The following ASPH variants were observed in gnomAD, a reference collection of about 807,000 sequenced individuals.
The protein encoded by ASPH is aspartyl/asparaginyl beta-hydroxylase.
Under a neutral mutation model 118.4 loss-of-function variants are expected in ASPH, and 100 were observed. The observed-to-expected ratio is 0.84, with a 90% CI of 0.72 to 1.00. ASPH has a LOEUF of 1.00. ASPH is among the 50% of genes least tolerant of loss of function. The pLI is 0.00. For missense variants in ASPH, 920 were observed against 919.5 expected (o/e 1.00, Z -0.01); for synonymous variants, 315 against 325.6 (o/e 0.97, Z 0.35).
chr8:61,573,157 G>A (rs1465157503), intron 16 of ASPH, among the ~76,000 whole-genome samples: 1 of 152,158 alleles, frequency 6.6e-6, no homozygotes, highest in Non-Finnish European at 1.5e-5. Context: ...ACTTACAAAG[G>A]ATGTGAAGGA....
intron 14 of ASPH, among the ~76,000 whole-genome samples, chr8:61,612,564 GT>G: frequency 6.6e-6 from 1 of 152,036 alleles, no homozygotes; most frequent in South Asian, 2.1e-4. Flanking sequence ...TAGAGAAGGG[GT>G]TTCACCATGT....
At chr8:61,545,260 C>A (rs1318402726) in intron 21 of ASPH, among the ~76,000 whole-genome samples, 1 of 152,226 alleles carries the variant, frequency 6.6e-6, no homozygotes, top group African/African-American at 2.4e-5. Context: ...TCTTTTCCAT[C>A]ATGTGAAGAC....
chr8:61,661,200 A>G (rs1816732733), intron 3 of ASPH: 1 of 152,218 alleles, frequency 6.6e-6, no homozygotes, highest in Non-Finnish European at 1.5e-5. Context: ...ATTCATTACA[A>G]AGGATAAAGG....
intron 18 of ASPH, among the ~76,000 whole-genome samples, chr8:61,559,402 C>A (rs1031151553): frequency 6.6e-6 from 1 of 152,074 alleles, no homozygotes; most frequent in Non-Finnish European, 1.5e-5. Flanking sequence ...CATCCCTAAC[C>A]CCTGTGTTGT....
At chr8:61,629,476 T>C (rs1383483523) in intron 13 of ASPH, among the ~76,000 whole-genome samples, 1 of 151,962 alleles carries the variant, frequency 6.6e-6, no homozygotes, top group Admixed American at 6.5e-5. Context: ...AACCTGCTAA[T>C]GGATGAGAAA....
intron 1 of ASPH, among the ~76,000 whole-genome samples, chr8:61,698,722 A>G (rs534723280): frequency 1.3e-5 from 2 of 152,302 alleles, no homozygotes; most frequent in Admixed American, 6.5e-5. Flanking sequence ...CCGCCAGTCA[A>G]TTATTAGCGA....
chr8:61,697,928 C>G (rs949093279), intron 1 of ASPH, among the ~76,000 whole-genome samples: 2 of 151,840 alleles, frequency 1.3e-5, no homozygotes, highest in African/African-American at 4.8e-5. Flanking sequence ...GTAGCTGGGA[C>G]CACAGGCATG....
intron 1 of ASPH, among the ~76,000 whole-genome samples, chr8:61,696,368 T>C (rs1014479771): frequency 1.3e-5 from 2 of 152,342 alleles, no homozygotes; most frequent in African/African-American, 4.8e-5. Flanking sequence ...CCAGGTATTT[T>C]TGGAACCTTT....
At chr8:61,635,863 C>T (rs371092421) in intron 12 of ASPH, among the ~76,000 whole-genome samples, 21 of 152,256 alleles carry the variant, frequency 1.4e-4, no homozygotes, top group African/African-American at 4.8e-4. Context: ...CAGGGTGTTT[C>T]GCTCTGCTTC....
At chr8:61,667,984 T>C (rs1820554127) in intron 3 of ASPH, among the ~76,000 whole-genome samples, 1 of 152,172 alleles carries the variant, frequency 6.6e-6, no homozygotes, top group African/African-American at 2.4e-5. Flanking sequence ...AATATATACA[T>C]TCTTAATTTA....
At chr8:61,610,926 T>C (rs879370287) in intron 14 of ASPH, among the ~76,000 whole-genome samples, 1 of 152,226 alleles carries the variant, frequency 6.6e-6, no homozygotes, top group Non-Finnish European at 1.5e-5. Context: ...ATCAAGCCCA[T>C]GTGCATCAAT....
chr8:61,659,299 A>C (rs534118262), intron 3 of ASPH: 1 of 152,342 alleles, frequency 6.6e-6, no homozygotes, highest in Non-Finnish European at 1.5e-5. Flanking sequence ...TATTAGTTGA[A>C]TCAATAAATG....
chr8:61,620,871 C>G (rs559542556), intron 13 of ASPH, among the ~76,000 whole-genome samples: 151 of 152,314 alleles, frequency 9.9e-4, no homozygotes, highest in Non-Finnish European at 1.6e-3. Context: ...GAGTTTAGGG[C>G]TCTCCACAGA....
intron 24 of ASPH, among the ~76,000 whole-genome samples, chr8:61,515,221 G>A (rs1176715484): frequency 6.6e-6 from 1 of 152,128 alleles, no homozygotes; most frequent in Middle Eastern, 3.2e-3. Flanking sequence ...GAGTTACCTT[G>A]TCAATCTCTG....
At chr8:61,659,045 G>A (rs981419982) in intron 3 of ASPH, 17 of 152,504 alleles carry the variant, frequency 1.1e-4, no homozygotes, top group African/African-American at 4.1e-4. Flanking sequence ...GTGCAGAGGT[G>A]ATGACTGGGC....
chr8:61,624,486 A>T, intron 13 of ASPH: 2 of 969,212 alleles, frequency 2.1e-6, no homozygotes, highest in South Asian at 9.6e-5. Flanking sequence ...AACTGATTTT[A>T]TTATGTAACA....
At chr8:61,534,042 G>C (rs901555924) in intron 21 of ASPH, among the ~76,000 whole-genome samples, 5 of 152,110 alleles carry the variant, frequency 3.3e-5, no homozygotes, top group Admixed American at 2.0e-4. Context: ...CTGCCTCCCG[G>C]GATCAAGTAA....
chr8:61,627,591 A>G (rs1205970374), intron 13 of ASPH, among the ~76,000 whole-genome samples: 28 of 152,210 alleles, frequency 1.8e-4, no homozygotes, highest in Non-Finnish European at 1.5e-5. Flanking sequence ...GTTTATTTAA[A>G]TGAGTTTTAG....
Position 61,643,950 on chromosome 8 carries a change from T to C in ASPH, c.704A>G (p.Asn235Ser). 4 of 1,611,516 alleles carry C rather than the reference T, an allele frequency of 2.5e-6. No individual in the cohort carries two copies. Among genetic ancestry groups the C allele is most frequent in the Non-Finnish European group, 3.4e-6 (4 of 1,178,114 alleles). Residue 235 changes from asparagine to serine, a missense_variant, in exon 8 of 25, where the codon AAT becomes AGT. Coordinates refer to ENST00000379454, the MANE Select transcript of ASPH (RefSeq NM_004318.4). Reference sequence around the variant, plus strand: ...TAATTTTAACATTTACAAACCTGGATTTTCCTGCTCAGACATCATCTCTTC... The same window carrying C: ...TAATTTTAACATTTACAAACCTGGACTTTCCTGCTCAGACATCATCTCTTC... ...DMEEMMSEQE[N>S]PDSSEPVVED...
Sources: allele counts gnomAD v4.1 joint callset (sites outside exome capture counted in the v4.1 genomes callset), GRCh38; gene constraint gnomAD v4.1.1; transcripts MANE v1.5; gene names NCBI Gene and HGNC (gene_info 2026-07-23, HGNC 2026-07-21).